The following PIGQ variants were observed in gnomAD, a reference collection of about 807,000 sequenced individuals.
PIGQ encodes the protein phosphatidylinositol N-acetylglucosaminyltransferase subunit Q.
A neutral mutation model predicts 60.3 loss-of-function variants in PIGQ; 54 were observed. The observed-to-expected ratio is 0.90, with a 90% CI of 0.72 to 1.12. The LOEUF (loss-of-function observed/expected upper bound fraction) is 1.12. Ranked by LOEUF, PIGQ falls within the 50% of genes most tolerant of loss-of-function variation. The pLI is 0.00. For synonymous variants in PIGQ, 416 were observed against 363.7 expected, an observed-to-expected ratio of 1.14 and a Z score of -1.64; for missense variants, 799 against 793.5, an observed-to-expected ratio of 1.01 and a Z score of -0.08.
At position 579,165 on chromosome 16, in the gene PIGQ, C is replaced by G. The variant is rs971874541; in HGVS notation, c.1320C>G (p.Ser440=). ...NVLRQRVDSC[S]YDLDQLFIGT... is the part of the protein sequence containing the mutation. ...TGCGCCAGCGCGTGGACTCCTGTTCCTATGACCTGGACCAGGTATGGGGCA... is the reference window on the plus strand; with the variant it reads ...TGCGCCAGCGCGTGGACTCCTGTTCGTATGACCTGGACCAGGTATGGGGCA... The change falls in exon 7 of 11, where the codon TCC becomes TCG. Residue 440 remains serine, a synonymous_variant. Transcript: ENST00000321878. The G allele has an allele frequency of 2.5e-6, 4 of 1,612,642 alleles. No homozygotes were observed. The highest frequency in any genetic ancestry group is 1.7e-4 in the Middle Eastern group (1 of 6,060).
At chr16:576,467 T>G in intron 4 of PIGQ, 1 of 622,294 alleles carries the variant, frequency 1.6e-6, no homozygotes. Flanking sequence ...CCCCCTTTCC[T>G]TCTGAAGGGG....
At chr16:579,400 A>G in intron 7 of PIGQ, 1 of 576,008 alleles carries the variant, frequency 1.7e-6, no homozygotes, top group South Asian at 2.0e-5. Context: ...ACAGACACAC[A>G]GCCCCGAAGG....
rs771310546 is a variant in PIGQ at position 575,886 on chromosome 16, C to T, written c.737C>T (p.Thr246Met). Residue 246 changes from threonine (T) to methionine (M), a missense_variant, in exon 3 of 11, where the codon ACG (threonine) becomes ATG (methionine). Thr to Met is a moderately conservative substitution (Grantham distance 81, BLOSUM62 -1). Coordinates refer to ENST00000321878, the MANE Select transcript of PIGQ (RefSeq NM_004204.5). ...PLSFLGSKLS[T>M]CEQLRHRLEH... ...TCCTTCCTCGGGAGCAAACTCTCCA[C>T]GTGCGAACAGCTCCGGCACCGGCTG... 1.5e-5 allele frequency: 23 copies of T among 1,574,722 alleles called. No individual in the cohort carries two copies. The highest frequency in any genetic ancestry group is 3.6e-5 in the Admixed American group (2 of 54,970).
rs747221267 is a variant in PIGQ at position 582,910 on chromosome 16, G to T, written c.1621G>T (p.Val541Leu). The change falls in exon 11 of 11, where the codon GTG (valine) becomes TTG (leucine). Residue 541 changes from valine to leucine, a missense_variant. By Grantham distance (32) the Val-to-Leu change is conservative. Coordinates refer to ENST00000321878, the MANE Select transcript of PIGQ (RefSeq NM_004204.5). ...AAACCCACTGCCCTACAGCCGCGTG[G>T]TGCACACCTACCGCCTCCCCAGCTG... The part of the protein sequence containing the change: ...QINPLPYSRV[V>L]HTYRLPSCGC... 2 of 1,611,206 alleles carry T rather than the reference G, an allele frequency of 1.2e-6. No homozygotes were observed. The highest frequency in any genetic ancestry group is 2.2e-5 in the South Asian group (2 of 90,988).
At position 574,199 on chromosome 16, in the gene PIGQ, C is replaced by A. The variant is rs773989530; in HGVS notation, c.125C>A (p.Pro42His). 6.2e-7 allele frequency: 1 copy of A among 1,612,508 alleles called. No individual in the cohort carries two copies. Among genetic ancestry groups the A allele is most frequent in the Non-Finnish European group, 8.5e-7 (1 of 1,179,810 alleles). The stretch of plus-strand genomic sequence containing the variant: ...GCGGTCCTGCACTTTCCCTTCATCC[C>A]CATCCAGGTCAAGCAGCTCCTGGCC... Reference protein sequence around the residue: ...VLAVLHFPFIPIQVKQLLAQV... With the variant: ...VLAVLHFPFIHIQVKQLLAQV... Residue 42 changes from proline (P) to histidine (H), a missense_variant, in exon 2 of 11, where the codon CCC (proline) becomes CAC (histidine). Pro to His is a moderately conservative substitution (Grantham distance 77, BLOSUM62 -2). Coordinates refer to ENST00000321878, the MANE Select transcript of PIGQ (RefSeq NM_004204.5).
At chr16:577,712 G>A (rs940323804) in intron 4 of PIGQ, among the ~76,000 whole-genome samples, 6 of 152,202 alleles carry the variant, frequency 3.9e-5, no homozygotes, top group Admixed American at 2.0e-4. Context: ...TCTCCTTAGT[G>A]GGGAGGCTGA....
rs772843213 is a variant in PIGQ at position 576,134 on chromosome 16, G to A, written c.822G>A (p.Arg274=). The change falls in exon 4 of 11, where the codon AGG becomes AGA. Residue 274 remains arginine, a splice_region_variant and synonymous_variant. Transcript: ENST00000321878. ...CGGCCGGGCCGGACCTCCCTTCCAG[G>A]AAGGCCAACACGGTGGCCTCTGTGC... ...RKAENPAQLM[R]KANTVASVLL... 3.9e-6 allele frequency: 6 copies of A among 1,548,034 alleles called. No individual in the cohort carries two copies. In the South Asian group the frequency reaches 5.9e-5, roughly 15 times the overall value.
chr16:574,690 A>C lies in PIGQ; in HGVS notation c.616A>C (p.Arg206=), dbSNP rs373314884. ...GGCCAGCATCCTCGCGGAGCTGGCC[A>C]GGCGAGCCTCGGGACCCATTTGCCT... ...VEASILAELA[R]RASGPICLLL... is the part of the protein sequence containing the mutation. The change falls in exon 2 of 11, where the codon AGG becomes CGG. Residue 206 remains arginine (R), a synonymous_variant. Transcript: ENST00000321878. 4.2e-5 allele frequency: 67 copies of C among 1,603,128 alleles called. No individual in the cohort carries two copies. In the African/African-American group the frequency reaches 8.3e-4, roughly 20 times the overall value.
intron 4 of PIGQ, chr16:576,738 CCCA>C: frequency 2.5e-6 from 1 of 406,840 alleles, no homozygotes; most frequent in Non-Finnish European, 4.3e-6. Flanking sequence ...TCTCCCATCT[CCCA>C]CCTTCCCTGC....
At chr16:572,610 C>T (rs2035652153) in intron 1 of PIGQ, 1 of 454,716 alleles carries the variant, frequency 2.2e-6, no homozygotes. Flanking sequence ...TGGTCTGTTC[C>T]CTCATCCCTA....
At chr16:576,010 C>T (rs865869018) in intron 3 of PIGQ, 40 bp downstream of exon 3, 3 of 1,557,678 alleles carry the variant, frequency 1.9e-6, no homozygotes, top group Admixed American at 1.9e-5. Flanking sequence ...TGGGTGCGTG[C>T]CCTCTGGCCC....
intron 2 of PIGQ, 136 bp downstream of exon 2, chr16:574,899 G>C (rs1437704399): frequency 8.6e-6 from 6 of 697,590 alleles, no homozygotes; most frequent in Non-Finnish European, 1.4e-5. Context: ...TGCAGCCCGG[G>C]CTTTGGCCCC....
Position 578,832 on chromosome 16 carries a change from G to A in PIGQ, c.1117G>A (p.Val373Met), listed in dbSNP as rs150887807. The A allele has an allele frequency of 3.9e-4, 632 of 1,613,652 alleles. No homozygotes were observed. The highest frequency in any genetic ancestry group is 4.5e-4 in the Non-Finnish European group (533 of 1,179,946). Residue 373 changes from valine (V) to methionine (M), a missense_variant, in exon 6 of 11, where the codon GTG becomes ATG. Val to Met is a conservative substitution (Grantham distance 21, BLOSUM62 1). Transcript: ENST00000321878. Reference protein sequence around the residue: ...SPFVEHILWHVGLSACLGLTV... With the variant: ...SPFVEHILWHMGLSACLGLTV... ...CTTCGTGGAGCACATCCTTTGGCAC[G>A]TGGGCCTCTCGGCCTGCCTGGGCCT...
At chr16:580,012 T>G in intron 7 of PIGQ, 171 bp from the exon 8 acceptor site, 1 of 527,854 alleles carries the variant, frequency 1.9e-6, no homozygotes, top group South Asian at 2.8e-5. Flanking sequence ...CCGTGGGGTG[T>G]GGGTGGACAG....
Position 574,325 on chromosome 16 carries a change from T to TG in PIGQ, c.254dup (p.Ala86CysfsTer6). On this transcript the variant is annotated frameshift_variant, in exon 2 of 11. Transcript: ENST00000321878. LOFTEE classifies it high-confidence loss of function. ...AGCCTGGGCCGCTTCCTGGAGAGCC[T>TG]GGGTGCTGTCTTCCCCCATGAGCCC... The TG allele has an allele frequency of 6.2e-7, 1 of 1,607,944 alleles. No individual in the cohort carries two copies. The highest frequency in any genetic ancestry group is 8.5e-7 in the Non-Finnish European group (1 of 1,179,328).
rs757419309 is a variant in PIGQ at position 574,248 on chromosome 16, G to T, written c.174G>T (p.Val58=). The T allele has an allele frequency of 1.9e-6, 3 of 1,609,480 alleles. No individual in the cohort carries two copies. The highest frequency in any genetic ancestry group is 2.2e-5 in the East Asian group (1 of 44,856). The stretch of plus-strand genomic sequence containing the variant: ...CCCAGGTGCGGCAGGCCAGCCAGGT[G>T]GGCGTGGCCGTGCTGGGCACCTGGT... ...LLAQVRQASQ[V]GVAVLGTWCH... Residue 58 remains valine, a synonymous_variant, in exon 2 of 11, where the codon GTG becomes GTT. Transcript: ENST00000321878.
chr16:575,849 C>T lies in PIGQ; in HGVS notation c.700C>T (p.Leu234Phe), dbSNP rs755271675. 4 of 1,566,280 alleles carry T rather than the reference C, an allele frequency of 2.6e-6. No individual in the cohort carries two copies. The highest frequency in any genetic ancestry group is 1.4e-5 in the African/African-American group (1 of 73,882). The change falls in exon 3 of 11, where the codon CTC (leucine) becomes TTC (phenylalanine). Residue 234 changes from leucine to phenylalanine, a missense_variant. Coordinates refer to ENST00000321878, the MANE Select transcript of PIGQ (RefSeq NM_004204.5). ...SAVSACRVFK[L>F]WPLSFLGSKL... ...TCCACTCCCACGCAGAGTGTTCAAG[C>T]TCTGGCCCCTGTCCTTCCTCGGGAG...
chr16:580,061 C>T (rs758108022), intron 7 of PIGQ, 122 bp from the exon 8 acceptor site: 10 of 658,090 alleles, frequency 1.5e-5, no homozygotes, highest in Middle Eastern at 4.0e-4. Flanking sequence ...CAGGCCATCC[C>T]GAGTTCCCTC....
At position 580,405 on chromosome 16, in the gene PIGQ, T is replaced by G. The variant is rs2071982; in HGVS notation, c.1416+142T>G. 0.47 allele frequency: 298,124 copies of G among 635,974 alleles called. 72,661 individuals are homozygous for G. Among genetic ancestry groups the G allele is most frequent in the East Asian group, 0.67 (25,262 of 37,636 alleles). 39.4% of individuals were successfully genotyped at this position (635,974 alleles called of 1,614,324 possible). ...TGGCCTTTCAGGACCCTCTGGGCAG[T>G]GAGTGCTGCGCTCTGGAGTGGGCGA... On this transcript the variant is annotated intron_variant, in intron 8 of 10. Coordinates refer to ENST00000321878, the MANE Select transcript of PIGQ (RefSeq NM_004204.5).
Sources: gnomAD v4.1 joint callset for allele counts (sites outside exome capture counted in the v4.1 genomes callset) on GRCh38, gnomAD v4.1.1 for gene constraint, MANE v1.5 for transcripts, NCBI Gene and HGNC (gene_info 2026-07-23, HGNC 2026-07-21) for gene names.